SLC7A7: variants seen among roughly 807,000 people sequenced by gnomAD.
The protein encoded by SLC7A7 is solute carrier family 7 member 7, also known as Y+L amino acid transporter 1.
Under a neutral mutation model 47.9 loss-of-function variants are expected in SLC7A7, and 39 were observed. The ratio of observed to expected loss-of-function variants is 0.81; its 90% confidence interval spans 0.63 to 1.06. SLC7A7 has a LOEUF of 1.06. Among genes scored for constraint, SLC7A7 ranks in the 50% least tolerant of loss-of-function variants. The pLI, the probability that SLC7A7 is intolerant of heterozygous loss-of-function variation, is 0.00. For synonymous variants in SLC7A7, 234 were observed against 242.8 expected (o/e 0.96, Z 0.34); for missense variants, 588 against 632.0 (o/e 0.93, Z 0.75).
chr14:22,787,990 G>C (rs898863039), intron 2 of SLC7A7, among the ~76,000 whole-genome samples: 1 of 148,634 alleles, frequency 6.7e-6, no homozygotes, highest in Admixed American at 6.7e-5. Context: ...GGAGAATGGC[G>C]TGAACCCGGG....
chr14:22,784,385 C>T (rs1280761657), intron 2 of SLC7A7, among the ~76,000 whole-genome samples: 1 of 151,950 alleles, frequency 6.6e-6, no homozygotes, highest in African/African-American at 2.4e-5. Flanking sequence ...TTTGGGAGGC[C>T]GAGGTGGACA....
At chr14:22,801,293 C>T (rs1213099208) in intron 2 of SLC7A7, among the ~76,000 whole-genome samples, 1 of 152,146 alleles carries the variant, frequency 6.6e-6, no homozygotes, top group Non-Finnish European at 1.5e-5. Flanking sequence ...AGGAGCACTT[C>T]TGGCATTTAG....
At chr14:22,776,461 G>T in intron 4 of SLC7A7, 143 bp from the exon 5 acceptor site, 1 of 1,076,556 alleles carries the variant, frequency 9.3e-7, no homozygotes, top group Non-Finnish European at 1.4e-6. Flanking sequence ...TGTCTTTGAC[G>T]GTGCCCTGGA....
rs1271709166 is a variant in SLC7A7, at chr14:22,813,162, C to G, written c.237G>C (p.Gly79=). The change falls in exon 2 of 10, where the codon GGG becomes GGC. Residue 79 remains glycine, a synonymous_variant. Coordinates refer to ENST00000674313, the MANE Select transcript of SLC7A7 (RefSeq NM_003982.4). The part of the protein sequence containing the change: ...FGLSLVIWAV[G]GLFSVFGALC... ...GGGCCCCAAAGACGGAGAAGAGGCC[C>G]CCGACAGCCCAGATGACCAGAGAGA... is the stretch of plus-strand genomic sequence containing the variant. 6.2e-7 allele frequency: 1 copy of G among 1,614,074 alleles called. No individual in the cohort carries two copies. The highest frequency in any genetic ancestry group is 1.7e-5 in the Admixed American group (1 of 60,010).
chr14:22,814,529 C>T (rs2138667592), intron 1 of SLC7A7, among the ~76,000 whole-genome samples: 1 of 152,196 alleles, frequency 6.6e-6, no homozygotes, highest in East Asian at 1.9e-4. Context: ...TGTTGGTTCT[C>T]TCTGAGCCTG....
At chr14:22,780,279 AAAC>A (rs1440353317) in intron 2 of SLC7A7, 1 of 517,382 alleles carries the variant, frequency 1.9e-6, no homozygotes, top group Non-Finnish European at 3.5e-6. Context: ...GGGAGACACA[AAAC>A]AAAGTGACTG....
At chr14:22,815,289 G>A (rs1334392101) in intron 1 of SLC7A7, 31 bp downstream of exon 1, 1 of 444,428 alleles carries the variant, frequency 2.3e-6, no homozygotes, top group South Asian at 1.6e-5. Flanking sequence ...AAGGTAAGTG[G>A]AGATGAGAAG....
upstream of SLC7A7, chr14:22,819,612 A>G (rs2039449043): frequency 6.6e-6 from 1 of 152,046 alleles, no homozygotes; most frequent in Non-Finnish European, 1.5e-5. Context: ...CCTCTCGCCC[A>G]TTGTCCCTCC....
chr14:22,800,018 A>G (rs906358476), intron 2 of SLC7A7, among the ~76,000 whole-genome samples: 3 of 152,066 alleles, frequency 2.0e-5, no homozygotes, highest in African/African-American at 7.3e-5. Flanking sequence ...GTCATCAACA[A>G]CTTCCACTCA....
intron 2 of SLC7A7, among the ~76,000 whole-genome samples, chr14:22,801,207 C>T (rs2039107208): frequency 6.6e-6 from 1 of 152,210 alleles, no homozygotes; most frequent in South Asian, 2.1e-4. Flanking sequence ...CTATTTACCT[C>T]TGCAAGCCAA....
rs773357652 is a variant in SLC7A7 at position 22,774,483 on chromosome 14, G to C, written c.1116C>G (p.Tyr372Ter). ...GCTGGAAGATGTCTTCCACGCACAA[G>C]TAGATCAATGCCATGATACCCTGTA... ...LLFNGIMALI[Y>*]LCVEDIFQLI... The change falls in exon 8 of 10, where the codon TAC becomes TAG. Residue 372 changes from tyrosine to a stop codon, truncating the protein, a stop_gained. Transcript: ENST00000674313. LOFTEE classifies it high-confidence loss of function. The C allele has an allele frequency of 5.6e-6, 9 of 1,614,164 alleles. No individual in the cohort carries two copies. In the South Asian group the frequency reaches 9.9e-5, roughly 18 times the overall value.
At chr14:22,797,448 C>T (rs987745368) in intron 2 of SLC7A7, among the ~76,000 whole-genome samples, 4 of 152,164 alleles carry the variant, frequency 2.6e-5, no homozygotes, top group Non-Finnish European at 4.4e-5. Context: ...TATTGAGTAC[C>T]CACTGTGTTC....
chr14:22,813,877 G>A (rs1475638747), intron 1 of SLC7A7, among the ~76,000 whole-genome samples: 1 of 146,500 alleles, frequency 6.8e-6, no homozygotes, highest in South Asian at 2.1e-4. Context: ...TGCAACCTCC[G>A]CCTCCCGGGT....
intron 2 of SLC7A7, among the ~76,000 whole-genome samples, chr14:22,787,198 G>T (rs891122116): frequency 2.0e-5 from 3 of 152,096 alleles, no homozygotes; most frequent in Non-Finnish European, 2.9e-5. Flanking sequence ...TACTTTGGGA[G>T]ACCGAGGAGG....
intron 2 of SLC7A7, among the ~76,000 whole-genome samples, chr14:22,793,276 A>C (rs1475516575): frequency 2.0e-5 from 3 of 152,202 alleles, no homozygotes. Context: ...CATGGGTGAG[A>C]GCCTCTGTAA....
intron 2 of SLC7A7, among the ~76,000 whole-genome samples, chr14:22,789,017 T>TA (rs1200146895): frequency 1.3e-5 from 2 of 152,110 alleles, no homozygotes; most frequent in African/African-American, 2.4e-5. Flanking sequence ...TATATTTGAA[T>TA]AAAAAAATTA....
At chr14:22,781,646 A>G (rs2038721229) in intron 2 of SLC7A7, among the ~76,000 whole-genome samples, 1 of 151,892 alleles carries the variant, frequency 6.6e-6, no homozygotes, top group South Asian at 2.1e-4. Flanking sequence ...AAATCTTTCA[A>G]ATCTGTCACT....
intron 2 of SLC7A7, among the ~76,000 whole-genome samples, chr14:22,800,063 T>C (rs899059679): frequency 6.6e-6 from 1 of 152,132 alleles, no homozygotes; most frequent in African/African-American, 2.4e-5. Flanking sequence ...AGTCTCCCTG[T>C]CCCCAAAACA....
chr14:22,778,040 A>G (rs1013388946), intron 4 of SLC7A7, among the ~76,000 whole-genome samples: 2 of 152,164 alleles, frequency 1.3e-5, no homozygotes, highest in African/African-American at 4.8e-5. Context: ...ACGCCATTGC[A>G]CTCCAGCCTG....
Sources: gnomAD v4.1 joint callset for allele counts (sites outside exome capture counted in the v4.1 genomes callset) on GRCh38, gnomAD v4.1.1 for gene constraint, MANE v1.5 for transcripts, NCBI Gene and HGNC (gene_info 2026-07-23, HGNC 2026-07-21) for gene names.